The following SCD variants were observed in gnomAD, a reference collection of about 807,000 sequenced individuals.
The protein encoded by SCD is acyl-CoA desaturase.
Under a neutral mutation model 35.7 loss-of-function variants are expected in SCD, and 4 were observed. That is an observed-to-expected ratio of 0.11 (90% CI 0.06 to 0.26). The LOEUF is 0.26. Ranked by LOEUF, SCD falls within the 10% of genes least tolerant of loss-of-function variation. SCD has a pLI of 1.00. For synonymous variants in SCD, 150 were observed against 170.2 expected (o/e 0.88, Z 0.92); for missense variants, 282 against 460.7 (o/e 0.61, Z 3.55).
At chr10:100,355,763 A>G (rs1849921248) in intron 4 of SCD, among the ~76,000 whole-genome samples, 3 of 152,160 alleles carry the variant, frequency 2.0e-5, no homozygotes, top group Admixed American at 2.0e-4. Flanking sequence ...AATGTAGGGA[A>G]TCAGTGCCCT....
In SCD at chr10:100,361,946, G is replaced by A. The variant is rs1849994025; in HGVS notation, c.*1013G>A. ...TTCCCCTCATAGTAATAAGATGGCT[G>A]TGGCATTTCCAAACATCCAAAAAAA... is the stretch of plus-strand genomic sequence containing the variant. On this transcript the variant is annotated 3_prime_UTR_variant, in exon 6 of 6. Coordinates refer to ENST00000370355, the MANE Select transcript of SCD (RefSeq NM_005063.5). 1 of 152,146 alleles carries A rather than the reference G, an allele frequency of 6.6e-6. No homozygotes were observed. The highest frequency in any genetic ancestry group is 2.4e-5 in the African/African-American group (1 of 41,426). 9.4% of individuals were successfully genotyped at this position (152,146 alleles called of 1,614,324 possible).
intron 5 of SCD, among the ~76,000 whole-genome samples, chr10:100,358,595 T>A (rs1849954810): frequency 1.1e-5 from 1 of 88,506 alleles, no homozygotes. Context: ...CGAGACTCCG[T>A]CTCAAAAAAA....
chr10:100,359,747 T>C (rs1046093372), intron 5 of SCD, among the ~76,000 whole-genome samples: 1 of 152,210 alleles, frequency 6.6e-6, no homozygotes, highest in Non-Finnish European at 1.5e-5. Context: ...GAGCCAAATA[T>C]TAGCTCTTAG....
Position 100,347,289 on chromosome 10 carries a change from A to G in SCD, c.-216A>G. Reference sequence around the variant, plus strand: ...CAGCGGATAAAAGGGGGCTGAGGAAATACCGGACACGGTCACCCGTTGCCA... The same window carrying G: ...CAGCGGATAAAAGGGGGCTGAGGAAGTACCGGACACGGTCACCCGTTGCCA... On this transcript the variant is annotated 5_prime_UTR_variant, in exon 1 of 6. Coordinates refer to ENST00000370355, the MANE Select transcript of SCD (RefSeq NM_005063.5). 1 of 615,692 alleles carries G rather than the reference A, an allele frequency of 1.6e-6. No homozygotes were observed. The allele number at this position is 615,692 out of a possible 1,614,324, so 38.1% of individuals were successfully genotyped here.
intron 4 of SCD, 118 bp downstream of exon 4, chr10:100,354,750 T>C (rs1333733801): frequency 7.8e-6 from 6 of 769,816 alleles, no homozygotes; most frequent in Non-Finnish European, 1.3e-5. Context: ...GTTTGCATGT[T>C]CACAATCTTA....
chr10:100,347,665 C>G, intron 1 of SCD, 134 bp downstream of exon 1: 4 of 953,028 alleles, frequency 4.2e-6, no homozygotes, highest in Non-Finnish European at 1.6e-6. Flanking sequence ...GTGCTGCCTT[C>G]CGTGAGTTGG....
At chr10:100,349,078 C>T (rs1482845024) in intron 2 of SCD, among the ~76,000 whole-genome samples, 1 of 152,194 alleles carries the variant, frequency 6.6e-6, no homozygotes, top group Non-Finnish European at 1.5e-5. Context: ...CCTACTGATG[C>T]CATGAAGTGC....
rs1260156544 is a variant in SCD at position 100,363,611 on chromosome 10, TC to T, written c.*2680del. The T allele has an allele frequency of 6.6e-6, 1 of 152,220 alleles. No homozygotes were observed. Among genetic ancestry groups the T allele is most frequent in the Non-Finnish European group, 1.5e-5 (1 of 68,046 alleles). The allele number at this position is 152,220 out of a possible 1,614,324, so 9.4% of individuals were successfully genotyped here. A position where few individuals can be genotyped will look rare whatever the true frequency, so the allele number is the denominator to read the frequency against. ...AACAATAAAAACAACTTTCACTTCTTCCTATTGTAATCGTGTGCCATGGATC... is the reference window on the plus strand; with the variant it reads ...AACAATAAAAACAACTTTCACTTCTTCTATTGTAATCGTGTGCCATGGATC... On this transcript the variant is annotated 3_prime_UTR_variant, in exon 6 of 6. Transcript: ENST00000370355.
At position 100,360,889 on chromosome 10, in the gene SCD, G is replaced by A. The variant is rs763395433; in HGVS notation, c.1036G>A (p.Ala346Thr). 1 of 1,613,962 alleles carries A rather than the reference G, an allele frequency of 6.2e-7. No individual in the cohort carries two copies. The highest frequency in any genetic ancestry group is 1.1e-5 in the South Asian group (1 of 91,076). ...RKKVSKAAIL[A>T]RIKRTGDGNY... The stretch of plus-strand genomic sequence containing the variant: ...GAAAGTCTCCAAGGCCGCCATCTTG[G>A]CCAGGATTAAAAGAACCGGAGATGG... Residue 346 changes from alanine to threonine, a missense_variant, in exon 6 of 6, where the codon GCC (alanine) becomes ACC (threonine). By Grantham distance (58) the Ala-to-Thr change is moderately conservative. This residue lies in a region of SCD where 205 missense variants were observed against 372.3 expected (regional missense o/e 0.55). Transcript: ENST00000370355.
At chr10:100,360,404 C>T (rs1327676906) in intron 5 of SCD, among the ~76,000 whole-genome samples, 2 of 152,166 alleles carry the variant, frequency 1.3e-5, no homozygotes, top group Non-Finnish European at 2.9e-5. Context: ...CAGACAGCCA[C>T]GGGTGACCAG....
Position 100,356,571 on chromosome 10 carries a change from G to T in SCD, c.687G>T (p.Leu229=). 6.2e-7 allele frequency: 1 copy of T among 1,614,034 alleles called. No individual in the cohort carries two copies. Among genetic ancestry groups the T allele is most frequent in the Non-Finnish European group, 8.5e-7 (1 of 1,179,942 alleles). ...GCTTGCTGATGATGTGCTTCATCCT[G>T]CCCACGCTTGTGCCCTGGTATTTCT... is the stretch of plus-strand genomic sequence containing the variant. The part of the protein sequence containing the change: ...KPGLLMMCFI[L]PTLVPWYFWG... Residue 229 remains leucine (L), a synonymous_variant, in exon 5 of 6, where the codon CTG becomes CTT. Coordinates refer to ENST00000370355, the MANE Select transcript of SCD (RefSeq NM_005063.5). This position sits in a 1 kb window ranked among gnomAD's most constrained non-coding sequence, Gnocchi z 4.1.
chr10:100,352,582 G>A lies in SCD; in HGVS notation c.441+86G>A. 7.6e-7 allele frequency: 1 copy of A among 1,309,316 alleles called. No homozygotes were observed. Among genetic ancestry groups the A allele is most frequent in the Non-Finnish European group, 1.1e-6 (1 of 927,182 alleles). The allele number at this position is 1,309,316 out of a possible 1,614,324, so 81.1% of individuals were successfully genotyped here. ...AAGGAGGGATCAGCACCAGAGAGGA[G>A]CCACACCTGACAGCCATTTCACTTT... On this transcript the variant is annotated intron_variant, in intron 3 of 5. Transcript: ENST00000370355. This position sits in a 1 kb window ranked among gnomAD's most constrained non-coding sequence, Gnocchi z 4.2.
intron 5 of SCD, among the ~76,000 whole-genome samples, chr10:100,357,850 C>T (rs896620526): frequency 1.3e-5 from 2 of 152,112 alleles, no homozygotes; most frequent in Admixed American, 6.6e-5. Context: ...ATCTGGCGAC[C>T]TCTTCTTTCC....
intron 2 of SCD, among the ~76,000 whole-genome samples, chr10:100,349,799 C>T (rs1849852385): frequency 1.3e-5 from 2 of 151,926 alleles, no homozygotes; most frequent in Non-Finnish European, 1.5e-5. Flanking sequence ...TGTTGTCTAG[C>T]CCCTCTGAGG....
chr10:100,359,170 A>G (rs905505159), intron 5 of SCD, among the ~76,000 whole-genome samples: 14 of 152,228 alleles, frequency 9.2e-5, no homozygotes, highest in African/African-American at 3.4e-4. Flanking sequence ...ATGAGTTCAA[A>G]GTGGCTGCCA....
rs1273603000 is a variant in SCD at position 100,364,207 on chromosome 10, CTG to C, written c.*3276_*3277del. On this transcript the variant is annotated 3_prime_UTR_variant, in exon 6 of 6. Coordinates refer to ENST00000370355, the MANE Select transcript of SCD (RefSeq NM_005063.5). Reference sequence around the variant, plus strand: ...TTTGCTAGTATCTTGGGTGTATTCTCTGTAAGTGTAGCTCAAATAGGTCATCA... The same window carrying C: ...TTTGCTAGTATCTTGGGTGTATTCTCTAAGTGTAGCTCAAATAGGTCATCA... The C allele has an allele frequency of 7.3e-5, 11 of 149,744 alleles. No individual in the cohort carries two copies. Among genetic ancestry groups the C allele is most frequent in the Non-Finnish European group, 4.4e-5 (3 of 67,774 alleles). The allele number at this position is 149,744 out of a possible 1,614,324, so 9.3% of individuals were successfully genotyped here. A position where few individuals can be genotyped will look rare whatever the true frequency, so the allele number is the denominator to read the frequency against.
rs1850004585 is a variant in SCD at position 100,362,973 on chromosome 10, T to C, written c.*2040T>C. On this transcript the variant is annotated 3_prime_UTR_variant, in exon 6 of 6. Coordinates refer to ENST00000370355, the MANE Select transcript of SCD (RefSeq NM_005063.5). ...GGTGAGGGTGCCCCGCCTGAGTCAGTGCTCTCAGCTGGCAGTGCAATGCTT... is the reference window on the plus strand; with the variant it reads ...GGTGAGGGTGCCCCGCCTGAGTCAGCGCTCTCAGCTGGCAGTGCAATGCTT... 6.6e-6 allele frequency: 1 copy of C among 152,298 alleles called. No homozygotes were observed. Among genetic ancestry groups the C allele is most frequent in the Non-Finnish European group, 1.5e-5 (1 of 68,088 alleles). The allele number at this position is 152,298 out of a possible 1,614,324, so 9.4% of individuals were successfully genotyped here.
intron 2 of SCD, among the ~76,000 whole-genome samples, chr10:100,349,190 T>G (rs1340514700): frequency 2.0e-5 from 3 of 152,218 alleles, no homozygotes; most frequent in African/African-American, 7.2e-5. Flanking sequence ...GCTGCTGTAA[T>G]GAGGGAGACA....
chr10:100,348,282 A>G lies in SCD; in HGVS notation c.246A>G (p.Leu82=), dbSNP rs762487741. 1.2e-6 allele frequency: 2 copies of G among 1,614,136 alleles called. No homozygotes were observed. The highest frequency in any genetic ancestry group is 2.2e-5 in the South Asian group (2 of 91,088). ...VWRNIILMSL[L]HLGALYGITL... ...GAAACATCATCCTTATGTCTCTGCTACACTTGGGAGCCCTGTATGGGATCA... is the reference window on the plus strand; with the variant it reads ...GAAACATCATCCTTATGTCTCTGCTGCACTTGGGAGCCCTGTATGGGATCA... The change falls in exon 2 of 6, where the codon CTA becomes CTG. Residue 82 remains leucine, a synonymous_variant. Transcript: ENST00000370355.
Sources: gnomAD v4.1 joint callset for allele counts (sites outside exome capture counted in the v4.1 genomes callset) on GRCh38, gnomAD v4.1.1 for gene constraint, gnomAD v4.1.1 regional missense constraint, Gnocchi (gnomAD v3.1) non-coding constraint, MANE v1.5 for transcripts, NCBI Gene and HGNC (gene_info 2026-07-23, HGNC 2026-07-21) for gene names.